Variants in RAB11FIP3 observed in about 807,000 individuals in gnomAD.
RAB11FIP3 encodes RAB11 family interacting protein 3, also known as rab11 family-interacting protein 3.
RAB11FIP3 carries 17 observed loss-of-function variants against 77.8 expected under a neutral mutation model. That is an observed-to-expected ratio of 0.22 (90% CI 0.15 to 0.33). The LOEUF (loss-of-function observed/expected upper bound fraction) is 0.33. Ranked by LOEUF, RAB11FIP3 falls within the 10% of genes least tolerant of loss-of-function variation. The pLI is 1.00. For missense variants in RAB11FIP3, 1,005 were observed against 1,011.2 expected, an observed-to-expected ratio of 0.99 and a Z score of 0.08; for synonymous variants, 437 against 448.2, an observed-to-expected ratio of 0.98 and a Z score of 0.31.
At chr16:491,299 G>A in intron 5 of RAB11FIP3, 1 of 1,296,468 alleles carries the variant, frequency 7.7e-7, no homozygotes, top group Non-Finnish European at 1.0e-6. Flanking sequence ...CTTGCTGTCT[G>A]TTCCCAGGGT....
chr16:495,786 T>C (rs112494403), intron 5 of RAB11FIP3, among the ~76,000 whole-genome samples: 7,644 of 152,268 alleles, frequency 0.05, 272 homozygotes, highest in African/African-American at 0.11. Context: ...TTTCACTCTT[T>C]GTTGCCCAGG....
At chr16:463,734 G>A (rs191496097) in intron 2 of RAB11FIP3, among the ~76,000 whole-genome samples, 281 of 152,188 alleles carry the variant, frequency 1.8e-3, no homozygotes, top group Middle Eastern at 6.8e-3. Context: ...CACTGCGCCC[G>A]GCCTGTTCCC....
intron 6 of RAB11FIP3, among the ~76,000 whole-genome samples, chr16:499,176 T>C (rs888681812): frequency 6.6e-6 from 1 of 152,072 alleles, no homozygotes; most frequent in African/African-American, 2.4e-5. Flanking sequence ...TGTGCCATTG[T>C]ACTCCAGCCT....
intron 2 of RAB11FIP3, among the ~76,000 whole-genome samples, chr16:462,314 C>T (rs897138422): frequency 1.1e-4 from 17 of 152,176 alleles, no homozygotes; most frequent in African/African-American, 3.9e-4. Context: ...CTCCACCTTC[C>T]GGGTTCAAGC....
intron 8 of RAB11FIP3, among the ~76,000 whole-genome samples, chr16:509,569 C>T (rs1210631170): frequency 6.6e-6 from 1 of 152,266 alleles, no homozygotes; most frequent in Non-Finnish European, 1.5e-5. Flanking sequence ...ATGGTTCAGT[C>T]CTGTCTCCTG....
At chr16:437,015 C>T (rs2055140926) in intron 1 of RAB11FIP3, among the ~76,000 whole-genome samples, 2 of 152,120 alleles carry the variant, frequency 1.3e-5, no homozygotes, top group South Asian at 2.1e-4. Context: ...GTGGCTCACA[C>T]TTGTAATCCC....
chr16:465,191 TAAGTC>T (rs1272106712), intron 2 of RAB11FIP3, among the ~76,000 whole-genome samples: 1 of 152,082 alleles, frequency 6.6e-6, no homozygotes, highest in Non-Finnish European at 1.5e-5. Context: ...TCTTCACTCT[TAAGTC>T]AAGAATTACT....
chr16:428,183 T>G (rs2141834201), intron 1 of RAB11FIP3, among the ~76,000 whole-genome samples: 1 of 152,168 alleles, frequency 6.6e-6, no homozygotes, highest in African/African-American at 2.4e-5. Flanking sequence ...TAAGAAGATG[T>G]GCAGACAGGT....
In RAB11FIP3 at chr16:481,050, C is replaced by T. The variant is rs1465406422; in HGVS notation, c.904-1475C>T. 3.4e-5 allele frequency among the ~76,000 whole-genome samples: 5 copies of T among 147,408 alleles called. 1 individual carries two copies. In the East Asian group the frequency reaches 1.0e-3, roughly 30 times the overall value. On this transcript the variant is annotated intron_variant, in intron 3 of 13. Coordinates refer to ENST00000262305, the MANE Select transcript of RAB11FIP3 (RefSeq NM_014700.4). ...TCTCGAACTCCCAACCTCAGGTGAT[C>T]CTTCTGCCTCGGCCTCCCAAAGTGC...
intron 1 of RAB11FIP3, among the ~76,000 whole-genome samples, chr16:439,873 C>G (rs1276252441): frequency 6.6e-6 from 1 of 150,676 alleles, no homozygotes; most frequent in Non-Finnish European, 1.5e-5. Flanking sequence ...GAGACGGGGT[C>G]TCGCTCTGTT....
rs538483562 is a variant in RAB11FIP3, at chr16:493,072, G to A, written c.1266-3752G>A. 2.0e-3 allele frequency among the ~76,000 whole-genome samples: 302 copies of A among 152,158 alleles called. 2 individuals are homozygous for A. Among genetic ancestry groups the A allele is most frequent in the African/African-American group, 6.8e-3 (284 of 41,516 alleles). On this transcript the variant is annotated intron_variant, in intron 5 of 13. Transcript: ENST00000262305. ...TTGAGACCAGCCTGGCCAACATGGC[G>A]AAACCCTGTCTCTACTAAAAACATA... is the stretch of plus-strand genomic sequence containing the variant.
At chr16:477,603 C>T in intron 3 of RAB11FIP3, 1 of 985,370 alleles carries the variant, frequency 1.0e-6, no homozygotes, top group Non-Finnish European at 1.2e-6. Flanking sequence ...CAGCCCTGTC[C>T]TGAGTGGGCC....
intron 1 of RAB11FIP3, among the ~76,000 whole-genome samples, chr16:445,113 CAAAAAAAA>C (rs56706849): frequency 4.2e-5 from 3 of 70,832 alleles, no homozygotes; most frequent in African/African-American, 1.4e-4. Flanking sequence ...GACTCTGTCT[CAAAAAAAA>C]AAAAAAAAAA....
At position 426,673 on chromosome 16, in the gene RAB11FIP3, C is replaced by T; in HGVS notation, c.667C>T (p.Arg223Cys). The change falls in exon 1 of 14, where the codon CGC becomes TGC. Residue 223 changes from arginine to cysteine, a missense_variant. Transcript: ENST00000262305. The surrounding 1 kb of genome is among the most constrained non-coding windows in gnomAD (Gnocchi z 5.0). Reference sequence around the variant, plus strand: ...GGACGGGGATGGGGACGGTTTCGTCCGCATCGAGGACTTCATCCAGTTTGC... The same window carrying T: ...GGACGGGGATGGGGACGGTTTCGTCTGCATCGAGGACTTCATCCAGTTTGC... ...ALDGDGDGFV[R>C]IEDFIQFATV... 2 of 1,546,284 alleles carry T rather than the reference C, an allele frequency of 1.3e-6. No individual in the cohort carries two copies. The highest frequency in any genetic ancestry group is 8.7e-7 in the Non-Finnish European group (1 of 1,147,508).
intron 9 of RAB11FIP3, among the ~76,000 whole-genome samples, chr16:512,980 C>T (rs528411381): frequency 5.3e-5 from 8 of 151,844 alleles, no homozygotes; most frequent in Non-Finnish European, 7.4e-5. Flanking sequence ...CTGTGCCCGC[C>T]GAGGCACAAG....
chr16:445,348 AGAATCGCTT>A (rs1317343918), intron 1 of RAB11FIP3, among the ~76,000 whole-genome samples: 1 of 151,302 alleles, frequency 6.6e-6, no homozygotes, highest in Non-Finnish European at 1.5e-5. Flanking sequence ...CTGAGGCACG[AGAATCGCTT>A]GAACCCAGGA....
rs889854700 is a variant in RAB11FIP3, at chr16:506,692, A to G, written c.1499+1065A>G. Among the ~76,000 whole-genome samples, 5 of 152,228 alleles carry G rather than the reference A, an allele frequency of 3.3e-5. No homozygotes were observed. The highest frequency in any genetic ancestry group is 1.2e-4 in the African/African-American group (5 of 41,462). On this transcript the variant is annotated intron_variant, in intron 8 of 13. Coordinates refer to ENST00000262305, the MANE Select transcript of RAB11FIP3 (RefSeq NM_014700.4). This position sits in a 1 kb window ranked among gnomAD's most constrained non-coding sequence, Gnocchi z 4.5. ...TGAGCGCTGAGAATTGGAATGCCTC[A>G]TGGGATTGTGGGCATAACTTGCACA... is the stretch of plus-strand genomic sequence containing the variant.
At chr16:447,534 G>A (rs1252257523) in intron 1 of RAB11FIP3, among the ~76,000 whole-genome samples, 3 of 152,000 alleles carry the variant, frequency 2.0e-5, no homozygotes, top group East Asian at 3.9e-4. Flanking sequence ...TCAGGAGATC[G>A]AGACCATCCT....
intron 6 of RAB11FIP3, chr16:497,488 C>G: frequency 1.7e-6 from 2 of 1,194,612 alleles, no homozygotes; most frequent in Non-Finnish European, 2.1e-6. Flanking sequence ...CTTCCTAGTC[C>G]CCGTCCTGCT....
Sources: allele counts gnomAD v4.1 joint callset (sites outside exome capture counted in the v4.1 genomes callset), GRCh38; gene constraint gnomAD v4.1.1; non-coding constraint Gnocchi (gnomAD v3.1); transcripts MANE v1.5; gene names NCBI Gene and HGNC (gene_info 2026-07-23, HGNC 2026-07-21).